The following CFAP54 variants were observed in gnomAD, a reference collection of about 807,000 sequenced individuals.
CFAP54 encodes the protein cilia- and flagella-associated protein 54.
Under a neutral mutation model 370.4 loss-of-function variants are expected in CFAP54, and 290 were observed. That is an observed-to-expected ratio of 0.78 (90% CI 0.71 to 0.86). CFAP54 has a LOEUF of 0.86. CFAP54 is among the 40% of genes least tolerant of loss of function. The probability of loss-of-function intolerance (pLI) is 0.00; values close to 1 mark genes in which losing one functional copy is unlikely to be tolerated. For synonymous variants in CFAP54, 1,206 were observed against 1,236.5 expected (o/e 0.98, Z 0.52); for missense variants, 3,399 against 3,528.7 (o/e 0.96, Z 0.93).
rs562070981 is a variant in CFAP54 at position 96,529,874 on chromosome 12, T to A, written c.1357+2430T>A. On this transcript the variant is annotated intron_variant, in intron 9 of 67. Transcript: ENST00000524981. ...CAATATATCCTATATAGTTGATCCT[T>A]TGTGTGTTGTGGTTAAGAAGTTTCA... 4.6e-5 allele frequency among the ~76,000 whole-genome samples: 7 copies of A among 152,266 alleles called. No homozygotes were observed. In the South Asian group the frequency reaches 1.4e-3, roughly 32 times the overall value.
At chr12:96,800,587 T>G (rs1958809958) in intron 63 of CFAP54, among the ~76,000 whole-genome samples, 1 of 152,204 alleles carries the variant, frequency 6.6e-6, no homozygotes, top group Non-Finnish European at 1.5e-5. Context: ...GACTCCAGAT[T>G]TTATCGTTTT....
intron 60 of CFAP54, among the ~76,000 whole-genome samples, chr12:96,778,005 A>G (rs1387754281): frequency 2.6e-5 from 4 of 152,360 alleles, no homozygotes; most frequent in South Asian, 4.1e-4. Context: ...ATGTACCCGT[A>G]CAAATTTTAA....
At chr12:96,660,968 C>T (rs11108626) in intron 38 of CFAP54, among the ~76,000 whole-genome samples, 8,353 of 152,196 alleles carry the variant, frequency 0.055, 298 homozygotes, top group South Asian at 0.09. Context: ...TGAAGAGATA[C>T]ATAGGGTGAG....
chr12:96,507,976 T>C (rs1219913604), intron 4 of CFAP54, among the ~76,000 whole-genome samples: 3 of 152,142 alleles, frequency 2.0e-5, no homozygotes, highest in African/African-American at 7.2e-5. Context: ...ACCACTGCCA[T>C]CTCTCACACA....
At chr12:96,791,856 T>C (rs560645485) in intron 62 of CFAP54, among the ~76,000 whole-genome samples, 142 of 151,064 alleles carry the variant, frequency 9.4e-4, no homozygotes, top group Admixed American at 1.7e-3. Context: ...TTTTTCTTTT[T>C]TTTTTTTTTT....
intron 4 of CFAP54, among the ~76,000 whole-genome samples, chr12:96,507,753 A>G (rs1186978917): frequency 2.6e-5 from 4 of 152,172 alleles, no homozygotes; most frequent in African/African-American, 9.7e-5. Flanking sequence ...AAGGAAACAT[A>G]TTGGATTTTC....
At chr12:96,647,472 C>CAAAAAAAAAAAAAAAAAAAAAAAA (rs57089692) in intron 33 of CFAP54, among the ~76,000 whole-genome samples, 3 of 40,756 alleles carry the variant, frequency 7.4e-5, no homozygotes, top group African/African-American at 1.9e-4. Flanking sequence ...GACTCTGTCC[C>CAAAAAAAAAAAAAAAAAAAAAAAA]AAAAAAAAAA....
chr12:96,620,367 G>A (rs1956472744), intron 26 of CFAP54, among the ~76,000 whole-genome samples: 1 of 152,178 alleles, frequency 6.6e-6, no homozygotes, highest in South Asian at 2.1e-4. Flanking sequence ...TCTGGTGATA[G>A]TGAATAAGTC....
At chr12:96,655,036 A>C (rs948337844) in intron 36 of CFAP54, among the ~76,000 whole-genome samples, 5 of 151,798 alleles carry the variant, frequency 3.3e-5, no homozygotes, top group Admixed American at 6.6e-5. Flanking sequence ...ATGGCCAAAA[A>C]AATTTTTTTT....
chr12:96,770,749 G>A (rs1217313618), intron 60 of CFAP54, among the ~76,000 whole-genome samples: 2 of 152,224 alleles, frequency 1.3e-5, no homozygotes, highest in Non-Finnish European at 2.9e-5. Flanking sequence ...AAAATCCTGT[G>A]GGAGTGTCAT....
intron 15 of CFAP54, among the ~76,000 whole-genome samples, chr12:96,552,246 C>CAAAAAAAAAAAAAAAAAAAAAAATAAA (rs374756712): frequency 4.9e-5 from 2 of 40,972 alleles, no homozygotes; most frequent in Non-Finnish European, 1.1e-4. Context: ...AACTACATCT[C>CAAAAAAAAAAAAAAAAAAAAAAATAAA]AAAAAAAAAA....
At chr12:96,636,186 A>T (rs1349128215) in intron 32 of CFAP54, among the ~76,000 whole-genome samples, 3 of 152,184 alleles carry the variant, frequency 2.0e-5, no homozygotes, top group Non-Finnish European at 2.9e-5. Context: ...AAGGGTTTGA[A>T]GACCTCTCTG....
At position 96,844,487 on chromosome 12, in the gene CFAP54, A is replaced by G. The variant is rs533209226; in HGVS notation, c.9171+15399A>G. On this transcript the variant is annotated intron_variant, in intron 66 of 67. Coordinates refer to ENST00000524981, the MANE Select transcript of CFAP54 (RefSeq NM_001306084.2). The stretch of plus-strand genomic sequence containing the variant: ...CCGGCTGACACCTTGACTTTAGCCC[A>G]GGGAAATGATTTCAGATTTCCAACC... Among the ~76,000 whole-genome samples the G allele has an allele frequency of 4.2e-4, 64 of 152,350 alleles. 1 individual carries two copies. Among genetic ancestry groups the G allele is most frequent in the Non-Finnish European group, 1.9e-4 (13 of 68,036 alleles).
intron 5 of CFAP54, 56 bp downstream of exon 5, chr12:96,513,100 A>G (rs1007592832): frequency 5.6e-6 from 6 of 1,074,982 alleles, no homozygotes; most frequent in African/African-American, 1.6e-5. Flanking sequence ...TATTTTTCTT[A>G]AGGCTTTCAT....
chr12:96,528,348 G>A (rs940808181), intron 9 of CFAP54, among the ~76,000 whole-genome samples: 10 of 151,944 alleles, frequency 6.6e-5, no homozygotes, highest in Non-Finnish European at 1.3e-4. Flanking sequence ...CTATTAATGT[G>A]GTTGATTTTA....
intron 63 of CFAP54, among the ~76,000 whole-genome samples, chr12:96,794,266 G>A (rs1958734084): frequency 6.6e-6 from 1 of 152,110 alleles, no homozygotes; most frequent in Admixed American, 6.5e-5. Context: ...TGAGCTTCTT[G>A]TATTTGGATG....
intron 24 of CFAP54, 71 bp from the exon 25 acceptor site, chr12:96,594,220 C>A: frequency 9.4e-7 from 1 of 1,062,730 alleles, no homozygotes; most frequent in Non-Finnish European, 1.3e-6. Flanking sequence ...CATTTTCTAC[C>A]CATTCTCCGT....
chr12:96,734,846 A>G (rs1957961192), intron 50 of CFAP54, among the ~76,000 whole-genome samples: 1 of 152,232 alleles, frequency 6.6e-6, no homozygotes, highest in South Asian at 2.1e-4. Context: ...TACAATAACA[A>G]CAAAAACCAT....
At position 96,594,294 on chromosome 12, in the gene CFAP54, G is replaced by A; in HGVS notation, c.3364G>A (p.Ala1122Thr). 1.3e-6 allele frequency: 2 copies of A among 1,525,526 alleles called. No individual in the cohort carries two copies. Among genetic ancestry groups the A allele is most frequent in the Non-Finnish European group, 1.8e-6 (2 of 1,139,862 alleles). 94.5% of individuals were successfully genotyped at this position (1,525,526 alleles called of 1,614,324 possible). The change falls in exon 25 of 68, where the codon GCC (alanine) becomes ACC (threonine). Residue 1122 changes from alanine (A) to threonine (T), a missense_variant. Around this residue, in one of 3 missense-constraint regions of CFAP54, gnomAD observed 2,796 missense variants for 2,869.7 expected, o/e 0.97. Coordinates refer to ENST00000524981, the MANE Select transcript of CFAP54 (RefSeq NM_001306084.2). ...AACAATGCCTGTTTCTTTACAGATT[G>A]CCAGACTGATTGAATGTGAGAGAGT... is the stretch of plus-strand genomic sequence containing the variant. ...GNEIFPSQQI[A>T]RLIECERVLV...
Sources: gnomAD v4.1 joint callset for allele counts (sites outside exome capture counted in the v4.1 genomes callset) on GRCh38, gnomAD v4.1.1 for gene constraint, gnomAD v4.1.1 regional missense constraint, MANE v1.5 for transcripts, NCBI Gene and HGNC (gene_info 2026-07-23, HGNC 2026-07-21) for gene names.